NRXN3: variants seen among roughly 807,000 people sequenced by gnomAD.
NRXN3 encodes the protein neurexin III.
Under a neutral mutation model 137.6 loss-of-function variants are expected in NRXN3, and 32 were observed. The observed-to-expected ratio is 0.23, with a 90% CI of 0.18 to 0.31. The LOEUF (loss-of-function observed/expected upper bound fraction) is 0.31. Ranked by LOEUF, NRXN3 falls within the 10% of genes least tolerant of loss-of-function variation. The probability of loss-of-function intolerance (pLI) is 1.00; values close to 1 mark genes in which losing one functional copy is unlikely to be tolerated. For missense variants in NRXN3, 1,574 were observed against 2,062.5 expected, an observed-to-expected ratio of 0.76 and a Z score of 4.59; for synonymous variants, 798 against 784.5, an observed-to-expected ratio of 1.02 and a Z score of -0.29.
At chr14:78,550,397 A>G (rs548435771) in intron 4 of NRXN3, among the ~76,000 whole-genome samples, 108 of 152,142 alleles carry the variant, frequency 7.1e-4, no homozygotes, top group Non-Finnish European at 1.3e-3. Flanking sequence ...CTTCTCCCCA[A>G]TGAACCCATG....
chr14:78,770,534 G>A (rs2098723679), intron 8 of NRXN3, among the ~76,000 whole-genome samples: 1 of 152,192 alleles, frequency 6.6e-6, no homozygotes, highest in Non-Finnish European at 1.5e-5. Context: ...TTTGCTGACT[G>A]TGAACATAGT....
chr14:78,201,065 G>A (rs56948116), intron 1 of NRXN3, among the ~76,000 whole-genome samples: 3,282 of 152,218 alleles, frequency 0.022, 95 homozygotes, highest in African/African-American at 0.069. Flanking sequence ...CCAAGGAAAG[G>A]CCATGGTTAC....
chr14:79,082,953 G>T (rs2047350211), intron 15 of NRXN3, among the ~76,000 whole-genome samples: 1 of 152,134 alleles, frequency 6.6e-6, no homozygotes, highest in Non-Finnish European at 1.5e-5. Flanking sequence ...TAGGGGGACA[G>T]GATTGCTACA....
intron 15 of NRXN3, among the ~76,000 whole-genome samples, chr14:79,198,116 T>C (rs1219734663): frequency 2.6e-5 from 4 of 152,222 alleles, no homozygotes; most frequent in African/African-American, 9.6e-5. Context: ...CACACATTTC[T>C]CTGTGAGTCT....
chr14:79,664,008 G>T (rs780394464), intron 17 of NRXN3, 59 bp downstream of exon 17: 11 of 1,562,348 alleles, frequency 7.0e-6, no homozygotes, highest in Non-Finnish European at 9.6e-6. Flanking sequence ...TCACTTTTCA[G>T]TGGTGATTTT....
At chr14:79,339,021 C>T (rs1237039239) in intron 15 of NRXN3, among the ~76,000 whole-genome samples, 1 of 152,116 alleles carries the variant, frequency 6.6e-6, no homozygotes, top group Admixed American at 6.6e-5. Context: ...AAATCCTACC[C>T]CTTTTGAAGG....
intron 4 of NRXN3, among the ~76,000 whole-genome samples, chr14:78,370,606 A>C (rs1462831056): frequency 6.6e-6 from 1 of 152,236 alleles, no homozygotes; most frequent in East Asian, 1.9e-4. Flanking sequence ...TGACTGAATG[A>C]ATACATGAAC....
At position 79,092,298 on chromosome 14, in the gene NRXN3, G is replaced by T. The variant is rs745914179; in HGVS notation, c.3262+104157G>T. On this transcript the variant is annotated intron_variant, in intron 15 of 20. Coordinates refer to ENST00000335750, the MANE Select transcript of NRXN3 (RefSeq NM_001330195.2). ...TTTTTCTCTCCCTGCCTCTTCTTTT[G>T]TAATCACATGATTAATACATGCTAT... is the stretch of plus-strand genomic sequence containing the variant. 7.6e-4 allele frequency among the ~76,000 whole-genome samples: 115 copies of T among 152,222 alleles called. 1 individual carries two copies. The highest frequency in any genetic ancestry group is 2.1e-4 in the Non-Finnish European group (14 of 68,000).
intron 4 of NRXN3, among the ~76,000 whole-genome samples, chr14:78,607,125 G>A (rs567622466): frequency 1.3e-5 from 2 of 152,008 alleles, no homozygotes; most frequent in African/African-American, 4.8e-5. Flanking sequence ...GAGGTGTAGA[G>A]AAAGAGCTCT....
At chr14:78,782,284 C>G (rs1389468994) in intron 8 of NRXN3, among the ~76,000 whole-genome samples, 2 of 152,222 alleles carry the variant, frequency 1.3e-5, no homozygotes, top group Non-Finnish European at 2.9e-5. Flanking sequence ...CCTGTAAGAA[C>G]TTTTAACATT....
At chr14:78,612,225 A>G (rs1417159263) in intron 4 of NRXN3, among the ~76,000 whole-genome samples, 1 of 152,178 alleles carries the variant, frequency 6.6e-6, no homozygotes, top group East Asian at 1.9e-4. Context: ...CTTCTGTTGA[A>G]ATATCATTTA....
At chr14:79,449,715 C>T (rs560154961) in intron 15 of NRXN3, among the ~76,000 whole-genome samples, 5 of 152,230 alleles carry the variant, frequency 3.3e-5, no homozygotes, top group African/African-American at 1.2e-4. Context: ...ATCGGCCAGG[C>T]GCAGTGGCTC....
rs937248822 is a variant in NRXN3, at chr14:79,865,968, A to G, written c.*4004A>G. 3.9e-5 allele frequency: 6 copies of G among 152,170 alleles called. No homozygotes were observed. Among genetic ancestry groups the G allele is most frequent in the Non-Finnish European group, 7.3e-5 (5 of 68,032 alleles). 9.4% of individuals were successfully genotyped at this position (152,170 alleles called of 1,614,324 possible). A position where few individuals can be genotyped will look rare whatever the true frequency, so the allele number is the denominator to read the frequency against. On this transcript the variant is annotated 3_prime_UTR_variant, in exon 21 of 21. Transcript: ENST00000335750. ...CTAAATCTCACTAATATATAATTCT[A>G]GGACTACTTTAAGCATTCACTTTTT...
chr14:79,495,983 C>T (rs2096762619), intron 16 of NRXN3, among the ~76,000 whole-genome samples: 1 of 151,312 alleles, frequency 6.6e-6, no homozygotes, highest in African/African-American at 2.4e-5. Flanking sequence ...AACAAAAAAT[C>T]CAGTCAACAG....
intron 15 of NRXN3, among the ~76,000 whole-genome samples, chr14:79,328,704 G>A (rs1027840798): frequency 2.0e-5 from 3 of 151,980 alleles, no homozygotes; most frequent in Admixed American, 6.6e-5. Flanking sequence ...AATAAGTTCT[G>A]AATAAGAACT....
chr14:78,637,471 CAAT>C (rs1039184971), intron 4 of NRXN3, among the ~76,000 whole-genome samples: 2 of 152,188 alleles, frequency 1.3e-5, no homozygotes, highest in Admixed American at 6.5e-5. Flanking sequence ...TTCTCAACAA[CAAT>C]GATAGCTAAC....
At chr14:78,874,050 C>A (rs2099107823) in intron 10 of NRXN3, among the ~76,000 whole-genome samples, 1 of 151,512 alleles carries the variant, frequency 6.6e-6, no homozygotes, top group East Asian at 1.9e-4. Context: ...CAGCTCACTG[C>A]AACCTCTGCC....
intron 15 of NRXN3, among the ~76,000 whole-genome samples, chr14:79,234,328 ATATATATATATAATATTTATATATATAT>A: frequency 9.1e-6 from 1 of 110,478 alleles, no homozygotes; most frequent in East Asian, 2.9e-4. Flanking sequence ...ATATATATAT[ATATATATATATAATATTTATATATATAT>A]TATATATGTA....
chr14:78,882,460 C>T (rs2099131882), intron 10 of NRXN3, among the ~76,000 whole-genome samples: 1 of 151,790 alleles, frequency 6.6e-6, no homozygotes, highest in South Asian at 2.1e-4. Flanking sequence ...CCATGGGAGC[C>T]CACCTCTTGC....
Sources: gnomAD v4.1 joint callset for allele counts (sites outside exome capture counted in the v4.1 genomes callset) on GRCh38, gnomAD v4.1.1 for gene constraint, MANE v1.5 for transcripts, NCBI Gene and HGNC (gene_info 2026-07-23, HGNC 2026-07-21) for gene names.